Variants in GNB1 observed in about 807,000 individuals in gnomAD.
The protein encoded by GNB1 is guanine nucleotide-binding protein G(I)/G(S)/G(T) subunit beta-1.
A neutral mutation model predicts 42.9 loss-of-function variants in GNB1; 2 were observed. That is an observed-to-expected ratio of 0.05 (90% CI 0.02 to 0.15). The LOEUF is 0.15. Among genes scored for constraint, GNB1 ranks in the 10% least tolerant of loss-of-function variants. GNB1 has a pLI of 1.00. For synonymous variants in GNB1, 183 were observed against 174.7 expected, an observed-to-expected ratio of 1.05 and a Z score of -0.38; for missense variants, 193 against 462.2, an observed-to-expected ratio of 0.42 and a Z score of 5.34.
chr1:1,888,274 T>C (rs1282606927), intron 1 of GNB1, among the ~76,000 whole-genome samples: 1 of 151,526 alleles, frequency 6.6e-6, no homozygotes, highest in African/African-American at 2.4e-5. Flanking sequence ...GAAGATAAAA[T>C]GTCATCCTCA....
At chr1:1,850,559 A>G (rs181423795) in intron 1 of GNB1, among the ~76,000 whole-genome samples, 140 of 152,190 alleles carry the variant, frequency 9.2e-4, no homozygotes, top group African/African-American at 2.6e-3. Flanking sequence ...TTATTCATCT[A>G]TAATGTTTTT....
At chr1:1,855,650 G>A (rs1648248747) in intron 1 of GNB1, among the ~76,000 whole-genome samples, 1 of 151,394 alleles carries the variant, frequency 6.6e-6, no homozygotes, top group Non-Finnish European at 1.5e-5. Context: ...AGCCTGCAGT[G>A]AGCCGAGATC....
intron 7 of GNB1, among the ~76,000 whole-genome samples, chr1:1,796,908 G>A (rs573284223): frequency 3.9e-5 from 6 of 152,146 alleles, no homozygotes; most frequent in East Asian, 1.9e-4. Context: ...AGAGAGGCAC[G>A]GCAGAGAGTG....
At chr1:1,838,195 T>C (rs768934192) in intron 2 of GNB1, among the ~76,000 whole-genome samples, 1 of 152,086 alleles carries the variant, frequency 6.6e-6, no homozygotes, top group Non-Finnish European at 1.5e-5. Context: ...AGAGCAAGAC[T>C]CTGTCTCAAA....
chr1:1,881,005 C>T (rs1649814993), intron 1 of GNB1, among the ~76,000 whole-genome samples: 1 of 141,322 alleles, frequency 7.1e-6, no homozygotes, highest in Non-Finnish European at 1.6e-5. Flanking sequence ...AATGCCTGAA[C>T]GGAGAGAGGG....
intron 1 of GNB1, among the ~76,000 whole-genome samples, chr1:1,844,791 T>C (rs1318921582): frequency 6.6e-6 from 1 of 152,198 alleles, no homozygotes; most frequent in Non-Finnish European, 1.5e-5. Flanking sequence ...CTACAAACTT[T>C]GGGGTATCTG....
At chr1:1,874,746 T>G (rs984148239) in intron 1 of GNB1, among the ~76,000 whole-genome samples, 2 of 149,822 alleles carry the variant, frequency 1.3e-5, no homozygotes, top group Non-Finnish European at 3.0e-5. Flanking sequence ...GCTGAGATGG[T>G]GCCACTGCAG....
At chr1:1,830,386 C>T (rs898890746) in intron 2 of GNB1, among the ~76,000 whole-genome samples, 10 of 151,804 alleles carry the variant, frequency 6.6e-5, no homozygotes, top group African/African-American at 2.2e-4. Context: ...TCAGCCTCTC[C>T]GAGTAGCTGG....
chr1:1,880,367 G>A (rs1411851720), intron 1 of GNB1, among the ~76,000 whole-genome samples: 6 of 152,054 alleles, frequency 3.9e-5, no homozygotes, highest in Non-Finnish European at 8.8e-5. Flanking sequence ...TTGGGAGGCC[G>A]AGGCAGGCGG....
Position 1,785,803 on chromosome 1 carries a change from C to CT in GNB1, c.*1259dup, listed in dbSNP as rs1163428232. ...CCAACAGCAGTCGTTTGCAACAGAA[C>CT]TTTTTTTTTTTTAAAGAAATAAAGA... On this transcript the variant is annotated 3_prime_UTR_variant, in exon 12 of 12. Transcript: ENST00000378609. 8,591 of 284,904 alleles carry CT rather than the reference C, an allele frequency of 0.03. 2 individuals carry two copies. Among genetic ancestry groups the CT allele is most frequent in the East Asian group, 0.044 (799 of 18,278 alleles). The allele number at this position is 284,904 out of a possible 1,614,324, so 17.6% of individuals were successfully genotyped here.
intron 3 of GNB1, among the ~76,000 whole-genome samples, chr1:1,822,471 A>G (rs1231812550): frequency 6.6e-6 from 1 of 151,488 alleles, no homozygotes; most frequent in African/African-American, 2.4e-5. Context: ...ACACCTGGCT[A>G]ATTTTTTTTG....
chr1:1,815,948 G>T, intron 4 of GNB1, 86 bp from the exon 5 acceptor site: 1 of 791,732 alleles, frequency 1.3e-6, no homozygotes, highest in South Asian at 1.6e-5. Flanking sequence ...CTGTTGGCTC[G>T]CCCACTGTGC....
In GNB1 at chr1:1,785,914, T is replaced by G; in HGVS notation, c.*1149A>C. On this transcript the variant is annotated 3_prime_UTR_variant, in exon 12 of 12. Coordinates refer to ENST00000378609, the MANE Select transcript of GNB1 (RefSeq NM_002074.5). ...TGTGCCACAGAGCAGCAACGAGAAG[T>G]GGACAGAGCCGCAATGGTTACAACT... 1 of 398,796 alleles carries G rather than the reference T, an allele frequency of 2.5e-6. No homozygotes were observed. Among genetic ancestry groups the G allele is most frequent in the East Asian group, 3.6e-5 (1 of 28,052 alleles). The allele number at this position is 398,796 out of a possible 1,614,324, so 24.7% of individuals were successfully genotyped here. A position where few individuals can be genotyped will look rare whatever the true frequency, so the allele number is the denominator to read the frequency against.
chr1:1,801,506 C>T (rs1046044372), intron 7 of GNB1, among the ~76,000 whole-genome samples: 5 of 152,170 alleles, frequency 3.3e-5, no homozygotes, highest in Admixed American at 6.5e-5. Flanking sequence ...GAGTTCCTTA[C>T]GTTTCCTATC....
intron 2 of GNB1, among the ~76,000 whole-genome samples, chr1:1,838,263 CT>C (rs1647178012): frequency 6.6e-6 from 1 of 152,028 alleles, no homozygotes; most frequent in African/African-American, 2.4e-5. Context: ...TTTAATTTTG[CT>C]TTTTAATTTA....
intron 1 of GNB1, among the ~76,000 whole-genome samples, chr1:1,850,755 T>G (rs980609057): frequency 1.8e-4 from 27 of 152,282 alleles, no homozygotes; most frequent in African/African-American, 6.5e-4. Context: ...TTCCATTTAT[T>G]TCTCTCTTAA....
intron 1 of GNB1, among the ~76,000 whole-genome samples, chr1:1,853,531 A>G (rs1372240989): frequency 1.3e-5 from 2 of 152,198 alleles, no homozygotes; most frequent in African/African-American, 4.8e-5. Flanking sequence ...CAATTTTTAA[A>G]GGTAAAATAT....
chr1:1,792,988 CCCGGCAGGCAGATG>C (rs1646501786), intron 8 of GNB1, among the ~76,000 whole-genome samples: 2 of 152,090 alleles, frequency 1.3e-5, no homozygotes, highest in South Asian at 4.2e-4. Flanking sequence ...ATCATTTAAA[CCCGGCAGGCAGATG>C]TCGCAGAGCC....
At chr1:1,851,051 C>CCT (rs1647952516) in intron 1 of GNB1, among the ~76,000 whole-genome samples, 2 of 152,102 alleles carry the variant, frequency 1.3e-5, no homozygotes, top group African/African-American at 4.8e-5. Context: ...GGGCGGATCA[C>CCT]AAGGTCAGGA....
Sources: allele counts gnomAD v4.1 joint callset (sites outside exome capture counted in the v4.1 genomes callset), GRCh38; gene constraint gnomAD v4.1.1; transcripts MANE v1.5; gene names NCBI Gene and HGNC (gene_info 2026-07-23, HGNC 2026-07-21).